Variants in KIF16B observed in about 807,000 individuals in gnomAD.
The protein encoded by KIF16B is kinesin family member 16B.
Under a neutral mutation model 156.3 loss-of-function variants are expected in KIF16B, and 98 were observed. The observed-to-expected ratio is 0.63, with a 90% confidence interval of 0.53 to 0.74. The LOEUF (loss-of-function observed/expected upper bound fraction) is 0.74. Ranked by LOEUF, KIF16B falls within the 30% of genes least tolerant of loss-of-function variation. The pLI is 0.00. For synonymous variants in KIF16B, 564 were observed against 583.7 expected, an observed-to-expected ratio of 0.97 and a Z score of 0.49; for missense variants, 1,421 against 1,606.5, an observed-to-expected ratio of 0.88 and a Z score of 1.97.
chr20:16,327,041 A>T (rs558982043), intron 24 of KIF16B, among the ~76,000 whole-genome samples: 1 of 142,850 alleles, frequency 7.0e-6, no homozygotes, highest in Non-Finnish European at 1.5e-5. Context: ...ACACACACAC[A>T]TATATATGTA....
intron 15 of KIF16B, among the ~76,000 whole-genome samples, chr20:16,407,260 C>A (rs1419646679): frequency 6.6e-6 from 1 of 152,146 alleles, no homozygotes; most frequent in South Asian, 2.1e-4. Context: ...TCACCAGAGG[C>A]ATGTAAGAGA....
chr20:16,421,645 G>T (rs1338832355), intron 15 of KIF16B, among the ~76,000 whole-genome samples: 1 of 152,116 alleles, frequency 6.6e-6, no homozygotes, highest in Non-Finnish European at 1.5e-5. Context: ...TAAAGTATGT[G>T]TAATTAAAAG....
Position 16,315,611 on chromosome 20 carries a change from G to A in KIF16B, c.3712-3193C>T, listed in dbSNP as rs559342600. Among the ~76,000 whole-genome samples, 6 of 152,278 alleles carry A rather than the reference G, an allele frequency of 3.9e-5. No homozygotes were observed. The South Asian group carries it at 8.3e-4, about 21-fold the overall frequency. On this transcript the variant is annotated intron_variant, in intron 24 of 25. Transcript: ENST00000354981. Reference sequence around the variant, plus strand: ...AACAGTTCCAACAAGAGTTGTCAACGGGACCCTGCTGAGGACCTGCACCCT... The same window carrying A: ...AACAGTTCCAACAAGAGTTGTCAACAGGACCCTGCTGAGGACCTGCACCCT...
At chr20:16,491,681 C>T (rs951346135) in intron 12 of KIF16B, among the ~76,000 whole-genome samples, 2 of 152,124 alleles carry the variant, frequency 1.3e-5, no homozygotes, top group African/African-American at 4.8e-5. Flanking sequence ...AGACTAACAT[C>T]CAAGTTCTGA....
intron 25 of KIF16B, among the ~76,000 whole-genome samples, chr20:16,300,502 CTTTT>C (rs1024192331): frequency 2.0e-5 from 3 of 151,874 alleles, no homozygotes; most frequent in Non-Finnish European, 4.4e-5. Context: ...CTTTTTCTTT[CTTTT>C]TTATTTTTAT....
chr20:16,571,831 G>A (rs773302592), intron 1 of KIF16B, among the ~76,000 whole-genome samples: 5 of 151,994 alleles, frequency 3.3e-5, no homozygotes, highest in Non-Finnish European at 5.9e-5. Flanking sequence ...GGGTTTCACC[G>A]TGTTAGCCAG....
At chr20:16,424,321 C>T (rs2066301139) in intron 15 of KIF16B, among the ~76,000 whole-genome samples, 1 of 152,098 alleles carries the variant, frequency 6.6e-6, no homozygotes, top group African/African-American at 2.4e-5. Context: ...TCCATCGCAG[C>T]TGATGTTAGA....
At chr20:16,277,562 C>T (rs1424248511) in intron 25 of KIF16B, among the ~76,000 whole-genome samples, 2 of 151,724 alleles carry the variant, frequency 1.3e-5, no homozygotes, top group Non-Finnish European at 2.9e-5. Context: ...ATGTTTTCCA[C>T]AGCATCTGTG....
intron 15 of KIF16B, among the ~76,000 whole-genome samples, chr20:16,410,873 C>T (rs995600892): frequency 2.0e-5 from 3 of 151,356 alleles, no homozygotes; most frequent in Non-Finnish European, 4.4e-5. Flanking sequence ...CACATCTCAG[C>T]ACAGTTATTC....
At chr20:16,440,832 C>T (rs748517137) in intron 12 of KIF16B, among the ~76,000 whole-genome samples, 3 of 152,166 alleles carry the variant, frequency 2.0e-5, no homozygotes, top group African/African-American at 7.2e-5. Flanking sequence ...AAATGCCAAA[C>T]AGCTAAGTGT....
intron 12 of KIF16B, among the ~76,000 whole-genome samples, chr20:16,442,712 G>A (rs2066836542): frequency 6.6e-6 from 1 of 152,104 alleles, no homozygotes; most frequent in South Asian, 2.1e-4. Context: ...GCAAAATGAG[G>A]TCTTCTCTAA....
chr20:16,467,372 C>T (rs545466911), intron 12 of KIF16B, among the ~76,000 whole-genome samples: 3 of 152,270 alleles, frequency 2.0e-5, no homozygotes, highest in Admixed American at 6.5e-5. Flanking sequence ...TCATGACCAC[C>T]TTTGCCCAAA....
intron 17 of KIF16B, among the ~76,000 whole-genome samples, chr20:16,399,023 A>C (rs140753642): frequency 2.6e-5 from 4 of 152,292 alleles, no homozygotes; most frequent in Non-Finnish European, 5.9e-5. Flanking sequence ...TAAGAGGGGG[A>C]AAGTAATAAA....
chr20:16,337,249 A>G (rs1007959435), intron 23 of KIF16B, among the ~76,000 whole-genome samples: 2 of 152,174 alleles, frequency 1.3e-5, no homozygotes, highest in African/African-American at 4.8e-5. Context: ...TCTCAAGCAC[A>G]ATAATTCAGC....
At chr20:16,550,222 A>G (rs539779291) in intron 1 of KIF16B, among the ~76,000 whole-genome samples, 2 of 145,432 alleles carry the variant, frequency 1.4e-5, no homozygotes, top group Admixed American at 1.4e-4. Context: ...GAAGACATTT[A>G]TGCAGCCAAA....
chr20:16,454,123 T>G (rs2067153839), intron 12 of KIF16B, among the ~76,000 whole-genome samples: 4 of 152,122 alleles, frequency 2.6e-5, no homozygotes, highest in Admixed American at 2.6e-4. Flanking sequence ...AAGGAAAATC[T>G]CTAAGAAGAT....
chr20:16,406,106 C>T (rs760077032), intron 16 of KIF16B, among the ~76,000 whole-genome samples: 7 of 152,096 alleles, frequency 4.6e-5, no homozygotes, highest in Non-Finnish European at 1.0e-4. Context: ...ATGCCCAGTT[C>T]CTTGGTGGGA....
intron 23 of KIF16B, among the ~76,000 whole-genome samples, chr20:16,344,482 A>G (rs76198968): frequency 0.016 from 2,363 of 152,214 alleles, 69 homozygotes; most frequent in African/African-American, 0.054. Flanking sequence ...CTCCTAGCTT[A>G]TCTCCTTTCT....
rs984999094 is a variant in KIF16B, at chr20:16,494,149, C to T, written c.1302+142G>A. 2.6e-5 allele frequency: 16 copies of T among 609,348 alleles called. No homozygotes were observed. In the African/African-American group the frequency reaches 2.9e-4, roughly 11 times the overall value. The allele number at this position is 609,348 out of a possible 1,614,324, so 37.7% of individuals were successfully genotyped here. ...TTCAAAATCAAACCAGAACTCCCAT[C>T]CCATGAAAGTCACTAATTGGTTCCA... On this transcript the variant is annotated intron_variant, in intron 12 of 25. Coordinates refer to ENST00000354981, the MANE Select transcript of KIF16B (RefSeq NM_024704.5).
Sources: gnomAD v4.1 joint callset for allele counts (sites outside exome capture counted in the v4.1 genomes callset) on GRCh38, gnomAD v4.1.1 for gene constraint, MANE v1.5 for transcripts, NCBI Gene and HGNC (gene_info 2026-07-23, HGNC 2026-07-21) for gene names.